Variants in ADAM18 observed in about 807,000 individuals in gnomAD.
ADAM18 encodes the protein ADAM metallopeptidase domain 18.
Under a neutral mutation model 94.4 loss-of-function variants are expected in ADAM18, and 117 were observed. The observed-to-expected ratio is 1.24, with a 90% CI of 1.07 to 1.45. The LOEUF is 1.45. ADAM18 is among the 40% of genes most tolerant of loss of function. ADAM18 has a pLI of 0.00. For missense variants in ADAM18, 936 were observed against 880.0 expected, an observed-to-expected ratio of 1.06 and a Z score of -0.81; for synonymous variants, 327 against 291.6, an observed-to-expected ratio of 1.12 and a Z score of -1.24.
chr8:39,638,218 A>C (rs761749414), intron 9 of ADAM18, among the ~76,000 whole-genome samples: 4 of 151,832 alleles, frequency 2.6e-5, no homozygotes, highest in Non-Finnish European at 5.9e-5. Flanking sequence ...AATTATATCC[A>C]TTTTAGGAGA....
In ADAM18 at chr8:39,696,303, GATTTGCTATTTTTCCAT is replaced by G. The variant is rs1382843621; in HGVS notation, c.1902+3624_1902+3640del. On this transcript the variant is annotated intron_variant, in intron 17 of 19. Transcript: ENST00000265707. ...GATATTAATTCCTTATCATATATGT[GATTTGCTATTTTTCCAT>G]TCTAAATGTTGTCTTTTCACTGTCT... is the stretch of plus-strand genomic sequence containing the variant. Among the ~76,000 whole-genome samples the G allele has an allele frequency of 5.4e-5, 4 of 73,438 alleles. No individual in the cohort carries two copies. The East Asian group carries it at 8.9e-3, about 164-fold the overall frequency. The allele number at this position is 73,438 out of a possible 152,430, so 48.2% of individuals were successfully genotyped here.
At chr8:39,718,344 T>C (rs1033719604) in intron 18 of ADAM18, among the ~76,000 whole-genome samples, 2 of 151,500 alleles carry the variant, frequency 1.3e-5, no homozygotes, top group Non-Finnish European at 3.0e-5. Flanking sequence ...GTAAAGGAAG[T>C]GTGGCATATA....
chr8:39,602,632 A>G (rs1268606518), intron 2 of ADAM18, among the ~76,000 whole-genome samples: 1 of 152,100 alleles, frequency 6.6e-6, no homozygotes, highest in East Asian at 1.9e-4. Flanking sequence ...AGATTCAGAC[A>G]TTTTGTTCAT....
chr8:39,679,798 T>C (rs554991373), intron 15 of ADAM18, among the ~76,000 whole-genome samples: 2 of 152,272 alleles, frequency 1.3e-5, no homozygotes, highest in African/African-American at 4.8e-5. Flanking sequence ...GAGAACAAAA[T>C]TGGGCTCTAT....
rs754393595 is a variant in ADAM18 at position 39,692,680 on chromosome 8, G to C, written c.1902G>C (p.Gly634=). The C allele has an allele frequency of 1.9e-6, 3 of 1,593,316 alleles. No individual in the cohort carries two copies. Among genetic ancestry groups the C allele is most frequent in the Non-Finnish European group, 2.6e-6 (3 of 1,167,724 alleles). ...CNATTKCKGK[G]ICNNFGNCQC... ...CCACCACAAAATGCAAAGGGAAAGGGGTAAGTCACTTTTGTATCTGAATTG... is the reference window on the plus strand; with the variant it reads ...CCACCACAAAATGCAAAGGGAAAGGCGTAAGTCACTTTTGTATCTGAATTG... Residue 634 remains glycine (G), a splice_region_variant and synonymous_variant, in exon 17 of 20, where the codon GGG becomes GGC. Transcript: ENST00000265707.
intron 18 of ADAM18, among the ~76,000 whole-genome samples, chr8:39,722,207 G>A (rs1292529040): frequency 1.3e-5 from 1 of 76,410 alleles, no homozygotes; most frequent in Admixed American, 1.6e-4. Context: ...GTGTGTGTGT[G>A]TGTGTGTGTG....
intron 5 of ADAM18, 83 bp from the exon 6 acceptor site, chr8:39,610,446 C>A: frequency 2.8e-6 from 4 of 1,413,100 alleles, no homozygotes; most frequent in Non-Finnish European, 3.7e-6. Flanking sequence ...TTTTTAATTT[C>A]TTATGCCATT....
intron 7 of ADAM18, among the ~76,000 whole-genome samples, chr8:39,632,487 T>C (rs1273141365): frequency 6.6e-6 from 1 of 152,160 alleles, no homozygotes; most frequent in East Asian, 1.9e-4. Flanking sequence ...TAGAGAACCA[T>C]ACTTGTGTTT....
At chr8:39,645,611 A>G (rs1015340984) in intron 11 of ADAM18, 137 bp downstream of exon 11, 12 of 812,106 alleles carry the variant, frequency 1.5e-5, no homozygotes, top group Non-Finnish European at 2.3e-5. Flanking sequence ...GTTATCACAC[A>G]AAAATTATGT....
intron 12 of ADAM18, among the ~76,000 whole-genome samples, chr8:39,650,798 G>A (rs1820510936): frequency 1.3e-5 from 2 of 152,176 alleles, no homozygotes; most frequent in Admixed American, 6.5e-5. Flanking sequence ...CAATTTTGAA[G>A]GGGTGGCCTC....
intron 6 of ADAM18, among the ~76,000 whole-genome samples, chr8:39,625,661 T>C (rs1437653701): frequency 6.6e-6 from 1 of 152,168 alleles, no homozygotes; most frequent in Non-Finnish European, 1.5e-5. Flanking sequence ...AGTATGATGC[T>C]CTCTGTGGGT....
At chr8:39,656,731 G>T (rs1820694807) in intron 12 of ADAM18, among the ~76,000 whole-genome samples, 8 of 152,098 alleles carry the variant, frequency 5.3e-5, no homozygotes, top group Admixed American at 5.2e-4. Flanking sequence ...ATAAGAAAAT[G>T]ACAGACTTTC....
intron 7 of ADAM18, among the ~76,000 whole-genome samples, chr8:39,635,510 CTAAGT>C (rs1820051863): frequency 6.6e-6 from 1 of 152,000 alleles, no homozygotes; most frequent in Non-Finnish European, 1.5e-5. Context: ...ACAACTTCTC[CTAAGT>C]TAACTTCTTA....
Position 39,659,362 on chromosome 8 carries a change from T to C in ADAM18, c.1231-4433T>C, listed in dbSNP as rs145572650. ...TTCTAAGGATCCCCTAGTACTGGAATGAATAATTTAAAAAAAAAACAAGCA... is the reference window on the plus strand; with the variant it reads ...TTCTAAGGATCCCCTAGTACTGGAACGAATAATTTAAAAAAAAAACAAGCA... On this transcript the variant is annotated intron_variant, in intron 12 of 19. Coordinates refer to ENST00000265707, the MANE Select transcript of ADAM18 (RefSeq NM_014237.3). 4.1e-3 allele frequency among the ~76,000 whole-genome samples: 618 copies of C among 151,570 alleles called. 4 individuals carry two copies. The highest frequency in any genetic ancestry group is 7.5e-3 in the Non-Finnish European group (511 of 67,828).
At chr8:39,636,138 C>A (rs1370507615) in intron 7 of ADAM18, among the ~76,000 whole-genome samples, 2 of 151,666 alleles carry the variant, frequency 1.3e-5, no homozygotes. Context: ...TCTGCCTCAT[C>A]CTTCCAAGTA....
chr8:39,684,912 C>T (rs1006523512), intron 16 of ADAM18, among the ~76,000 whole-genome samples: 1 of 152,066 alleles, frequency 6.6e-6, no homozygotes, highest in Non-Finnish European at 1.5e-5. Context: ...TTGTGAAACT[C>T]CCTGTTCTGT....
rs2129580559 is a variant in ADAM18, at chr8:39,680,321, G to A, written c.1821+95G>A. 4.3e-6 allele frequency: 5 copies of A among 1,163,346 alleles called. No individual in the cohort carries two copies. In the South Asian group the frequency reaches 8.4e-5, roughly 19 times the overall value. The allele number at this position is 1,163,346 out of a possible 1,614,324, so 72.1% of individuals were successfully genotyped here. A position where few individuals can be genotyped will look rare whatever the true frequency, so the allele number is the denominator to read the frequency against. ...ATGACTATCACAATTATATTGAATG[G>A]ATTTAAACTTGTGCTGGCATTTATT... On this transcript the variant is annotated intron_variant, in intron 16 of 19. Coordinates refer to ENST00000265707, the MANE Select transcript of ADAM18 (RefSeq NM_014237.3).
At chr8:39,679,131 A>G (rs561145714) in intron 15 of ADAM18, among the ~76,000 whole-genome samples, 93 of 152,220 alleles carry the variant, frequency 6.1e-4, no homozygotes, top group Non-Finnish European at 1.2e-3. Flanking sequence ...TCTTAATCTC[A>G]TTTCAATCTT....
intron 7 of ADAM18, among the ~76,000 whole-genome samples, chr8:39,635,902 C>A (rs1283490653): frequency 6.6e-5 from 10 of 151,984 alleles, no homozygotes; most frequent in Non-Finnish European, 1.2e-4. Context: ...TTTCATAAAA[C>A]TAATTACAAT....
Sources: allele counts gnomAD v4.1 joint callset (sites outside exome capture counted in the v4.1 genomes callset), GRCh38; gene constraint gnomAD v4.1.1; transcripts MANE v1.5; gene names NCBI Gene and HGNC (gene_info 2026-07-23, HGNC 2026-07-21).